The following CCDC91 variants were observed in gnomAD, a reference collection of about 807,000 sequenced individuals.
The protein encoded by CCDC91 is coiled-coil domain containing 91.
In CCDC91, 48 loss-of-function variants were observed where a neutral mutation model predicts 63.2. The observed-to-expected ratio is 0.76, with a 90% confidence interval of 0.60 to 0.97. The LOEUF (loss-of-function observed/expected upper bound fraction) is 0.97. Among genes scored for constraint, CCDC91 ranks in the 50% least tolerant of loss-of-function variants. The pLI, the probability that CCDC91 is intolerant of heterozygous loss-of-function variation, is 0.00. For synonymous variants in CCDC91, 167 were observed against 165.8 expected (o/e 1.01, Z -0.06); for missense variants, 500 against 494.6 (o/e 1.01, Z -0.10).
chr12:28,437,075 A>G (rs573803690), intron 8 of CCDC91, among the ~76,000 whole-genome samples: 2 of 151,724 alleles, frequency 1.3e-5, no homozygotes, highest in South Asian at 4.2e-4. Context: ...GTTGTTCTAT[A>G]CTTCATGTTT....
At chr12:28,341,417 A>G (rs1264027335) in intron 6 of CCDC91, among the ~76,000 whole-genome samples, 1 of 152,072 alleles carries the variant, frequency 6.6e-6, no homozygotes. Context: ...CTTTGATACT[A>G]ACTCTTCTGG....
chr12:28,428,555 G>C (rs1179199534), intron 8 of CCDC91, among the ~76,000 whole-genome samples: 4 of 109,942 alleles, frequency 3.6e-5, no homozygotes, highest in Non-Finnish European at 6.7e-5. Flanking sequence ...GGCAACAAGA[G>C]TGAAACTCCG....
intron 1 of CCDC91, among the ~76,000 whole-genome samples, chr12:28,241,841 C>A (rs1221093163): frequency 6.6e-6 from 1 of 151,590 alleles, no homozygotes; most frequent in African/African-American, 2.4e-5. Flanking sequence ...ACTAAAATTA[C>A]AAAAATTAGC....
chr12:28,444,096 C>T (rs1267106542), intron 8 of CCDC91, among the ~76,000 whole-genome samples: 1 of 152,094 alleles, frequency 6.6e-6, no homozygotes, highest in African/African-American at 2.4e-5. Flanking sequence ...TGAATGATAG[C>T]ACAGTAAATT....
chr12:28,365,773 C>G (rs547895942), intron 7 of CCDC91, among the ~76,000 whole-genome samples: 1 of 152,152 alleles, frequency 6.6e-6, no homozygotes. Context: ...CATAGCATTC[C>G]TTGACATTTC....
At chr12:28,264,649 A>G (rs187191271) in intron 3 of CCDC91, among the ~76,000 whole-genome samples, 7 of 140,236 alleles carry the variant, frequency 5.0e-5, no homozygotes, top group East Asian at 2.0e-4. Flanking sequence ...TCCCCCTCCA[A>G]TGTAAATTCT....
At chr12:28,311,485 C>T (rs1053767814) in intron 6 of CCDC91, among the ~76,000 whole-genome samples, 4 of 151,576 alleles carry the variant, frequency 2.6e-5, no homozygotes, top group Non-Finnish European at 4.4e-5. Flanking sequence ...GTTGCTGGGG[C>T]GAGAGTGGAA....
At chr12:28,468,825 G>A (rs1050203200) in intron 11 of CCDC91, among the ~76,000 whole-genome samples, 7 of 151,976 alleles carry the variant, frequency 4.6e-5, no homozygotes, top group Admixed American at 3.9e-4. Context: ...TGACCAAATG[G>A]AGGACAAAAA....
At chr12:28,482,779 A>G (rs185990858) in intron 11 of CCDC91, among the ~76,000 whole-genome samples, 59 of 151,894 alleles carry the variant, frequency 3.9e-4, no homozygotes, top group African/African-American at 1.4e-3. Flanking sequence ...CACTTTTTGA[A>G]TTGGTCCAAA....
At chr12:28,278,949 CTT>C (rs1400072908) in intron 3 of CCDC91, among the ~76,000 whole-genome samples, 4 of 151,802 alleles carry the variant, frequency 2.6e-5, no homozygotes, top group South Asian at 2.1e-4. Flanking sequence ...TATTATATAA[CTT>C]ATATACAGGT....
In CCDC91 at chr12:28,408,618, G is replaced by T. The variant is rs576311578; in HGVS notation, c.762+17207G>T. Among the ~76,000 whole-genome samples, 21 of 152,084 alleles carry T rather than the reference G, an allele frequency of 1.4e-4. No individual in the cohort carries two copies. The South Asian group carries it at 3.3e-3, about 24-fold the overall frequency. On this transcript the variant is annotated intron_variant, in intron 8 of 12. Transcript: ENST00000536442. ...TGAGAAGTGTCTGTCCATATACTTT[G>T]CTCACTTTTTGATGGTTTATTTTTT...
At chr12:28,291,372 G>A (rs1232615455) in intron 3 of CCDC91, among the ~76,000 whole-genome samples, 2 of 152,162 alleles carry the variant, frequency 1.3e-5, no homozygotes, top group Non-Finnish European at 2.9e-5. Flanking sequence ...TGCAACATGT[G>A]GTCAGGCATT....
chr12:28,314,851 C>T (rs1565783340), intron 6 of CCDC91, among the ~76,000 whole-genome samples: 1 of 151,920 alleles, frequency 6.6e-6, no homozygotes, highest in Non-Finnish European at 1.5e-5. Flanking sequence ...CCATCCTCTT[C>T]ATAGGCCTTA....
At chr12:28,331,420 T>C (rs1941498995) in intron 6 of CCDC91, among the ~76,000 whole-genome samples, 2 of 152,292 alleles carry the variant, frequency 1.3e-5, no homozygotes, top group South Asian at 4.1e-4. Context: ...AGCAAAAGTA[T>C]TGTATTCTAT....
intron 6 of CCDC91, among the ~76,000 whole-genome samples, chr12:28,310,351 C>T (rs1211460180): frequency 6.6e-6 from 1 of 151,974 alleles, no homozygotes; most frequent in African/African-American, 2.4e-5. Flanking sequence ...ACATTAATGA[C>T]CAATATAAAT....
intron 11 of CCDC91, among the ~76,000 whole-genome samples, chr12:28,463,427 A>G (rs1258825805): frequency 6.6e-6 from 1 of 152,248 alleles, no homozygotes; most frequent in African/African-American, 2.4e-5. Flanking sequence ...CAAGAGCTAA[A>G]TATTTTTTAT....
At chr12:28,431,719 A>G (rs1948637031) in intron 8 of CCDC91, among the ~76,000 whole-genome samples, 1 of 151,976 alleles carries the variant, frequency 6.6e-6, no homozygotes, top group African/African-American at 2.4e-5. Flanking sequence ...CCTTTGTTAC[A>G]TTCCATGAAT....
chr12:28,471,287 T>C (rs1950800767), intron 11 of CCDC91, among the ~76,000 whole-genome samples: 1 of 152,160 alleles, frequency 6.6e-6, no homozygotes, highest in South Asian at 2.1e-4. Flanking sequence ...CGCAAAATAT[T>C]TCAACCTAAA....
intron 3 of CCDC91, among the ~76,000 whole-genome samples, chr12:28,280,541 A>G (rs1948535227): frequency 6.6e-6 from 1 of 152,068 alleles, no homozygotes; most frequent in African/African-American, 2.4e-5. Flanking sequence ...AATTCTTTTT[A>G]TAGTCTATAT....
Sources: gnomAD v4.1 joint callset for allele counts (sites outside exome capture counted in the v4.1 genomes callset) on GRCh38, gnomAD v4.1.1 for gene constraint, MANE v1.5 for transcripts, NCBI Gene and HGNC (gene_info 2026-07-23, HGNC 2026-07-21) for gene names.